VPS35L: variants seen among roughly 807,000 people sequenced by gnomAD.
The protein encoded by VPS35L is VPS35 endosomal protein-sorting factor-like.
A neutral mutation model predicts 133.0 loss-of-function variants in VPS35L; 83 were observed. The ratio of observed to expected loss-of-function variants is 0.62; its 90% CI spans 0.52 to 0.75. The LOEUF is 0.75. Ranked by LOEUF, VPS35L falls within the 30% of genes least tolerant of loss-of-function variation. The pLI, the probability that VPS35L is intolerant of heterozygous loss-of-function variation, is 0.00. For synonymous variants in VPS35L, 423 were observed against 449.9 expected, an observed-to-expected ratio of 0.94 and a Z score of 0.76; for missense variants, 1,083 against 1,206.8, an observed-to-expected ratio of 0.90 and a Z score of 1.52.
intron 12 of VPS35L, among the ~76,000 whole-genome samples, chr16:19,612,234 G>C (rs1340727395): frequency 6.6e-6 from 1 of 151,314 alleles, no homozygotes; most frequent in African/African-American, 2.4e-5. Context: ...ACTGCACCCG[G>C]CCTTTTTTTG....
intron 19 of VPS35L, among the ~76,000 whole-genome samples, chr16:19,636,946 C>G (rs1973640762): frequency 6.6e-6 from 1 of 152,216 alleles, no homozygotes. Context: ...TACCAGCACA[C>G]TCTGTCCAAA....
chr16:19,610,225 C>T (rs1433007369), intron 11 of VPS35L, 97 bp from the exon 12 acceptor site: 11 of 1,035,918 alleles, frequency 1.1e-5, no homozygotes, highest in African/African-American at 1.6e-5. Context: ...TTCCCCCCCT[C>T]CCTGAAATTT....
chr16:19,674,230 C>T (rs943417989), intron 27 of VPS35L, among the ~76,000 whole-genome samples: 1 of 131,406 alleles, frequency 7.6e-6, no homozygotes, highest in Non-Finnish European at 1.6e-5. Flanking sequence ...CCTCTGTCAC[C>T]CAGGCTAGAT....
Position 19,610,307 on chromosome 16 carries a change from T to A in VPS35L, c.930-15T>A. ...CACGTCGAATATAATGCTGGCCTGTTTTTGTCTCTTGCAGGGGAATTTCAG... is the reference window on the plus strand; with the variant it reads ...CACGTCGAATATAATGCTGGCCTGTATTTGTCTCTTGCAGGGGAATTTCAG... On this transcript the variant is annotated splice_polypyrimidine_tract_variant and intron_variant, in intron 11 of 30. Coordinates refer to ENST00000417362, the MANE Select transcript of VPS35L (RefSeq NM_020314.7). The A allele has an allele frequency of 1.2e-6, 2 of 1,611,264 alleles. No individual in the cohort carries two copies. The highest frequency in any genetic ancestry group is 1.7e-6 in the Non-Finnish European group (2 of 1,177,630).
chr16:19,664,221 A>G (rs1452609904), intron 26 of VPS35L, among the ~76,000 whole-genome samples: 3 of 152,130 alleles, frequency 2.0e-5, no homozygotes, highest in Non-Finnish European at 4.4e-5. Flanking sequence ...AGAGTACTAC[A>G]GTGCTCTTAC....
intron 28 of VPS35L, among the ~76,000 whole-genome samples, chr16:19,690,725 C>T (rs1319353563): frequency 1.3e-5 from 2 of 152,152 alleles, no homozygotes; most frequent in African/African-American, 4.8e-5. Flanking sequence ...CCGAGGCAGG[C>T]GGATCACTTG....
At chr16:19,695,669 C>T (rs143445122) in intron 29 of VPS35L, among the ~76,000 whole-genome samples, 3 of 151,918 alleles carry the variant, frequency 2.0e-5, no homozygotes, top group African/African-American at 7.2e-5. Context: ...TAAAAGTTAG[C>T]CAGGCATGGT....
At position 19,652,147 on chromosome 16, in the gene VPS35L, C is replaced by A. The variant is rs527881834; in HGVS notation, c.2221+57C>A. 34 of 1,207,334 alleles carry A rather than the reference C, an allele frequency of 2.8e-5. No individual in the cohort carries two copies. The Admixed American group carries it at 6.3e-4, about 22-fold the overall frequency. The allele number at this position is 1,207,334 out of a possible 1,614,324, so 74.8% of individuals were successfully genotyped here. ...CCCTTGCTGCTTAGGAAAACTGACT[C>A]AGGTGTGTGCGTATGTGTGTAGAGA... On this transcript the variant is annotated intron_variant, in intron 26 of 30. Transcript: ENST00000417362.
intron 4 of VPS35L, 186 bp downstream of exon 4, chr16:19,573,427 A>G (rs895132869): frequency 3.6e-5 from 21 of 590,564 alleles, no homozygotes; most frequent in Non-Finnish European, 5.2e-5. Flanking sequence ...ATGTGCTGAC[A>G]GGTTTCCCAA....
At chr16:19,678,653 T>G (rs1418942495) in intron 27 of VPS35L, among the ~76,000 whole-genome samples, 1 of 151,940 alleles carries the variant, frequency 6.6e-6, no homozygotes, top group Non-Finnish European at 1.5e-5. Flanking sequence ...AATTTTTGTA[T>G]TTTTAGTATA....
intron 18 of VPS35L, among the ~76,000 whole-genome samples, chr16:19,631,688 C>T (rs1283669211): frequency 6.6e-6 from 1 of 152,180 alleles, no homozygotes; most frequent in Non-Finnish European, 1.5e-5. Context: ...TTTCAGCACA[C>T]CTGTAAAAAT....
At chr16:19,564,344 C>T (rs915541998) in intron 1 of VPS35L, among the ~76,000 whole-genome samples, 4 of 152,050 alleles carry the variant, frequency 2.6e-5, no homozygotes, top group Non-Finnish European at 5.9e-5. Flanking sequence ...CCCAAAAGTG[C>T]TGGAATTATA....
rs143827660 is a variant in VPS35L, at chr16:19,573,459, G to A, written c.408+218G>A. The A allele has an allele frequency of 7.8e-4, 352 of 452,422 alleles. 1 individual carries two copies. Among genetic ancestry groups the A allele is most frequent in the African/African-American group, 6.2e-3 (314 of 50,592 alleles). The allele number at this position is 452,422 out of a possible 1,614,324, so 28.0% of individuals were successfully genotyped here. On this transcript the variant is annotated intron_variant, in intron 4 of 30. Coordinates refer to ENST00000417362, the MANE Select transcript of VPS35L (RefSeq NM_020314.7). ...CCAAAAAAAAATGTTAAGGATCAGG[G>A]ATGTGGCACAGGCCAGAGAAAGAAT...
intron 27 of VPS35L, among the ~76,000 whole-genome samples, chr16:19,676,703 G>C (rs1464916838): frequency 2.0e-5 from 3 of 152,138 alleles, no homozygotes; most frequent in African/African-American, 7.2e-5. Flanking sequence ...AACACAGCAA[G>C]TTGTCCAGGT....
chr16:19,557,638 T>A (rs1970903520), intron 1 of VPS35L, among the ~76,000 whole-genome samples: 1 of 151,964 alleles, frequency 6.6e-6, no homozygotes. Context: ...CGACCTCGGG[T>A]TCCCAAAGTG....
At position 19,579,141 on chromosome 16, in the gene VPS35L, T is replaced by A. The variant is rs1373326391; in HGVS notation, c.510+13T>A. 6.2e-7 allele frequency: 1 copy of A among 1,612,356 alleles called. No homozygotes were observed. The highest frequency in any genetic ancestry group is 8.5e-7 in the Non-Finnish European group (1 of 1,179,150). On this transcript the variant is annotated intron_variant, in intron 6 of 30. Coordinates refer to ENST00000417362, the MANE Select transcript of VPS35L (RefSeq NM_020314.7). ...TGACTTTGAGGAGGTGAGCAAGTCA[T>A]TTGTGGAATACAGGGAGTGGGAGAG...
intron 1 of VPS35L, 44 bp from the exon 2 acceptor site, chr16:19,564,807 A>C: frequency 7.3e-7 from 1 of 1,377,648 alleles, no homozygotes; most frequent in Non-Finnish European, 1.0e-6. Flanking sequence ...TTAGTGTTTT[A>C]AGTACCCCCA....
chr16:19,640,204 TATTTCA>T, intron 21 of VPS35L, 104 bp downstream of exon 21: 1 of 1,004,814 alleles, frequency 1.0e-6, no homozygotes, highest in Non-Finnish European at 1.5e-6. Flanking sequence ...GATGTGTACG[TATTTCA>T]TACAGAAAAC....
chr16:19,570,338 C>T (rs142039460), intron 3 of VPS35L, among the ~76,000 whole-genome samples: 4 of 152,198 alleles, frequency 2.6e-5, no homozygotes, highest in Non-Finnish European at 4.4e-5. Context: ...ACTGGGATTA[C>T]AGGCGTGAGC....
Sources: allele counts gnomAD v4.1 joint callset (sites outside exome capture counted in the v4.1 genomes callset), GRCh38; gene constraint gnomAD v4.1.1; transcripts MANE v1.5; gene names NCBI Gene and HGNC (gene_info 2026-07-23, HGNC 2026-07-21).